KIF26B: variants seen among roughly 807,000 people sequenced by gnomAD.
KIF26B encodes the protein kinesin family member 26B.
Under a neutral mutation model 151.2 loss-of-function variants are expected in KIF26B, and 63 were observed. The observed-to-expected ratio is 0.42, with a 90% CI of 0.34 to 0.51. The LOEUF (loss-of-function observed/expected upper bound fraction) is 0.51, where lower values mean the gene tolerates loss of function less well. Ranked by LOEUF, KIF26B falls within the 20% of genes least tolerant of loss-of-function variation. The probability of loss-of-function intolerance (pLI) is 0.07; values close to 1 mark genes in which losing one functional copy is unlikely to be tolerated. For missense variants in KIF26B, 2,813 were observed against 2,913.6 expected, an observed-to-expected ratio of 0.97 and a Z score of 0.79; for synonymous variants, 1,357 against 1,262.1, an observed-to-expected ratio of 1.08 and a Z score of -1.59.
chr1:245,657,234 T>C (rs1165182758), intron 10 of KIF26B, among the ~76,000 whole-genome samples: 1 of 152,196 alleles, frequency 6.6e-6, no homozygotes, highest in South Asian at 2.1e-4. Flanking sequence ...GAGGGTCAAA[T>C]GTGTCTGTCT....
intron 5 of KIF26B, among the ~76,000 whole-genome samples, chr1:245,590,284 G>C (rs959247020): frequency 1.3e-5 from 2 of 149,496 alleles, no homozygotes; most frequent in African/African-American, 4.9e-5. Context: ...TGGGGTCCCG[G>C]GTTTGTGCCC....
chr1:245,398,319 T>G (rs559119273), intron 3 of KIF26B, among the ~76,000 whole-genome samples: 3 of 152,278 alleles, frequency 2.0e-5, no homozygotes, highest in African/African-American at 7.2e-5. Context: ...CCCGATAAAG[T>G]AATCCCGGCT....
At chr1:245,662,600 C>T (rs376773412) in intron 10 of KIF26B, among the ~76,000 whole-genome samples, 57,527 of 98,398 alleles carry the variant, frequency 0.58, 17,417 homozygotes, top group East Asian at 0.75. Context: ...ATGATATATA[C>T]ACAGACACCC....
At chr1:245,282,167 G>A (rs1671068125) in intron 2 of KIF26B, among the ~76,000 whole-genome samples, 2 of 151,926 alleles carry the variant, frequency 1.3e-5, no homozygotes, top group Admixed American at 6.6e-5. Context: ...TGGCCATACT[G>A]CCCAAGGTAA....
chr1:245,304,962 C>T (rs564299310), intron 2 of KIF26B, among the ~76,000 whole-genome samples: 2 of 152,202 alleles, frequency 1.3e-5, no homozygotes, highest in East Asian at 3.9e-4. Context: ...GAGGTTGAGT[C>T]ATGATATGAA....
intron 5 of KIF26B, among the ~76,000 whole-genome samples, chr1:245,591,648 G>A (rs1458485991): frequency 6.6e-6 from 1 of 152,172 alleles, no homozygotes; most frequent in East Asian, 1.9e-4. Context: ...GCATGCCTCA[G>A]AATCCCATTC....
chr1:245,687,970 G>C lies in KIF26B; in HGVS notation c.4987G>C (p.Ala1663Pro). 6.3e-7 allele frequency: 1 copy of C among 1,583,470 alleles called. No homozygotes were observed. The highest frequency in any genetic ancestry group is 1.3e-5 in the African/African-American group (1 of 74,312). ...KLFSAKLEQLASRSNSLGRAT... is the reference protein window; with the variant it reads ...KLFSAKLEQLPSRSNSLGRAT... ...CTTCAGTGCCAAGCTGGAGCAGCTG[G>C]CCAGCAGAAGCAACTCGCTGGGCAG... Residue 1663 changes from alanine (A) to proline (P), a missense_variant, in exon 12 of 15, where the codon GCC becomes CCC. Transcript: ENST00000407071. This position sits in a 1 kb window ranked among gnomAD's most constrained non-coding sequence, Gnocchi z 4.9.
intron 10 of KIF26B, among the ~76,000 whole-genome samples, chr1:245,681,326 C>T (rs2044436129): frequency 6.6e-6 from 1 of 152,046 alleles, no homozygotes; most frequent in Non-Finnish European, 1.5e-5. Flanking sequence ...TCTCCTGCCT[C>T]AGCCTCCTGA....
intron 10 of KIF26B, among the ~76,000 whole-genome samples, chr1:245,682,118 G>T (rs1223090658): frequency 6.6e-6 from 1 of 152,168 alleles, no homozygotes; most frequent in African/African-American, 2.4e-5. Flanking sequence ...GGTGGCGCGT[G>T]CCTGTAGTCC....
rs1189044179 is a variant in KIF26B at position 245,305,676 on chromosome 1, C to T, written c.466-61158C>T. On this transcript the variant is annotated intron_variant, in intron 2 of 14. Transcript: ENST00000407071. ...AAATGAGGCCGGTCGCAGTGGCTCA[C>T]GCCTGTAATCCCAGCACTTTGGGAG... 3.9e-5 allele frequency among the ~76,000 whole-genome samples: 6 copies of T among 152,236 alleles called. No individual in the cohort carries two copies. The South Asian group carries it at 8.3e-4, about 21-fold the overall frequency.
intron 2 of KIF26B, among the ~76,000 whole-genome samples, chr1:245,297,481 A>G (rs547971500): frequency 6.6e-6 from 1 of 152,302 alleles, no homozygotes; most frequent in African/African-American, 2.4e-5. Flanking sequence ...TGCTGATTCC[A>G]TGTCTATTAT....
At chr1:245,184,047 G>GTTTTTTTTTTTTTTTTTTTTTTTTT (rs1469137088) in intron 2 of KIF26B, among the ~76,000 whole-genome samples, 102 of 9,216 alleles carry the variant, frequency 0.011, 8 homozygotes, top group Middle Eastern at 0.062. Flanking sequence ...GGTGGGAGTT[G>GTTTTTTTTTTTTTTTTTTTTTTTTT]TTGTTTTTTT....
chr1:245,366,357 C>T (rs1672951936), intron 2 of KIF26B, among the ~76,000 whole-genome samples: 1 of 151,928 alleles, frequency 6.6e-6, no homozygotes, highest in Non-Finnish European at 1.5e-5. Context: ...ACAGTGAAAC[C>T]CCATCTCTAC....
intron 4 of KIF26B, among the ~76,000 whole-genome samples, chr1:245,452,576 T>G (rs969545860): frequency 6.6e-6 from 1 of 152,196 alleles, no homozygotes; most frequent in African/African-American, 2.4e-5. Flanking sequence ...GGTTCCAGTT[T>G]CTTCACATTC....
chr1:245,345,549 G>A (rs1377611758), intron 2 of KIF26B, among the ~76,000 whole-genome samples: 1 of 151,850 alleles, frequency 6.6e-6, no homozygotes, highest in East Asian at 1.9e-4. Flanking sequence ...GTGGATCTGT[G>A]TCCCTGCCCA....
chr1:245,267,634 G>GCACACACACA lies in KIF26B; in HGVS notation c.466-99159_466-99150dup, dbSNP rs66498609. On this transcript the variant is annotated intron_variant, in intron 2 of 14. Coordinates refer to ENST00000407071, the MANE Select transcript of KIF26B (RefSeq NM_018012.4). Reference sequence around the variant, plus strand: ...ATACTACTGGCGACAGCTAAGTAATGCACACACACACACACACACACACAC... The same window carrying GCACACACACA: ...ATACTACTGGCGACAGCTAAGTAATGCACACACACACACACACACACACACACACACACAC... Among the ~76,000 whole-genome samples the GCACACACACA allele has an allele frequency of 2.2e-4, 30 of 136,332 alleles. 1 individual carries two copies. The highest frequency in any genetic ancestry group is 5.3e-4 in the South Asian group (2 of 3,764). The allele number at this position is 136,332 out of a possible 152,430, so 89.4% of individuals were successfully genotyped here. A position where few individuals can be genotyped will look rare whatever the true frequency, so the allele number is the denominator to read the frequency against.
intron 7 of KIF26B, 95 bp from the exon 8 acceptor site, chr1:245,609,171 G>T: frequency 2.6e-6 from 3 of 1,164,242 alleles, no homozygotes; most frequent in Non-Finnish European, 3.5e-6. Context: ...CCTTCCCTGT[G>T]CCTTTCTTCT....
rs1038839367 is a variant in KIF26B, at chr1:245,572,318, C to T, written c.1351-30259C>T. 1.3e-5 allele frequency among the ~76,000 whole-genome samples: 2 copies of T among 152,102 alleles called. No homozygotes were observed. The highest frequency in any genetic ancestry group is 4.8e-5 in the African/African-American group (2 of 41,412). ...AGGAGGTAGACGTGCTTTTGTGTTT[C>T]CGACACTGAGGACATTGAGGTTCTG... On this transcript the variant is annotated intron_variant, in intron 5 of 14. Transcript: ENST00000407071. This position sits in a 1 kb window ranked among gnomAD's most constrained non-coding sequence, Gnocchi z 4.2.
At chr1:245,202,408 G>A (rs556751404) in intron 2 of KIF26B, among the ~76,000 whole-genome samples, 53 of 152,164 alleles carry the variant, frequency 3.5e-4, no homozygotes, top group African/African-American at 1.1e-3. Context: ...TGATCTACCG[G>A]TCTGAGCTTG....
Sources: allele counts gnomAD v4.1 joint callset (sites outside exome capture counted in the v4.1 genomes callset), GRCh38; gene constraint gnomAD v4.1.1; non-coding constraint Gnocchi (gnomAD v3.1); transcripts MANE v1.5; gene names NCBI Gene and HGNC (gene_info 2026-07-23, HGNC 2026-07-21).